GLYATL2: variants seen among roughly 807,000 people sequenced by gnomAD.
GLYATL2 encodes the protein glycine-N-acyltransferase like 2, also known as glycine N-acyltransferase-like protein 2.
Under a neutral mutation model 21.4 loss-of-function variants are expected in GLYATL2, and 25 were observed. The ratio of observed to expected loss-of-function variants is 1.17; its 90% confidence interval spans 0.85 to 1.63. The LOEUF is 1.63. Ranked by LOEUF, GLYATL2 falls within the 40% of genes most tolerant of loss-of-function variation. GLYATL2 has a pLI of 0.00. For synonymous variants in GLYATL2, 114 were observed against 118.2 expected, an observed-to-expected ratio of 0.96 and a Z score of 0.23; for missense variants, 361 against 343.3, an observed-to-expected ratio of 1.05 and a Z score of -0.41.
In GLYATL2 at chr11:58,856,997, TA is replaced by T. The variant is rs536244389; in HGVS notation, n.61-18630del. Among the ~76,000 whole-genome samples the T allele has an allele frequency of 1.1e-4, 17 of 152,310 alleles. No homozygotes were observed. In the East Asian group the frequency reaches 2.7e-3, roughly 24 times the overall value. On this transcript the variant is annotated intron_variant and non_coding_transcript_variant, in intron 1 of 4. Coordinates refer to the GLYATL2 transcript ENST00000533636. ...TACAATAAAGTGAAATGCAATAAAATAAGGTGTGCCTGTACTGATTTAATTT... is the reference window on the plus strand; with the variant it reads ...TACAATAAAGTGAAATGCAATAAAATAGGTGTGCCTGTACTGATTTAATTT...
rs1186068277 is a variant in GLYATL2, at chr11:58,844,438, A to C, written c.-45T>G. The C allele has an allele frequency of 2.0e-5, 3 of 152,230 alleles. No individual in the cohort carries two copies. The East Asian group carries it at 5.8e-4, about 29-fold the overall frequency. The allele number at this position is 152,230 out of a possible 1,614,324, so 9.4% of individuals were successfully genotyped here. ...GTTCTAAATAATTCTGCTTACCTGAAGTTTCTTTGTAGACCTGTAGGCACA... is the reference window on the plus strand; with the variant it reads ...GTTCTAAATAATTCTGCTTACCTGACGTTTCTTTGTAGACCTGTAGGCACA... On this transcript the variant is annotated 5_prime_UTR_variant, in exon 1 of 6. Transcript: ENST00000287275.
At chr11:58,843,342 G>A (rs1290237795) in intron 1 of GLYATL2, among the ~76,000 whole-genome samples, 1 of 152,184 alleles carries the variant, frequency 6.6e-6, no homozygotes, top group Non-Finnish European at 1.5e-5. Context: ...GGGTTTAAAT[G>A]GCTTTTGATG....
chr11:58,854,649 G>A (rs1377214345), intron 1 of GLYATL2, among the ~76,000 whole-genome samples: 1 of 151,302 alleles, frequency 6.6e-6, no homozygotes. Flanking sequence ...AAATAAGCTT[G>A]TTGCATTGAT....
chr11:58,848,877 T>C (rs927510788), upstream of GLYATL2, among the ~76,000 whole-genome samples: 4 of 152,152 alleles, frequency 2.6e-5, no homozygotes, highest in Admixed American at 6.5e-5. Flanking sequence ...CAAGCAGATT[T>C]AACCCAAAGA....
At chr11:58,869,281 T>C (rs591856) in intron 1 of GLYATL2, among the ~76,000 whole-genome samples, 134,763 of 152,172 alleles carry the variant, frequency 0.89, 60,882 homozygotes, top group Non-Finnish European at 0.98. Context: ...TAGTTTGGAA[T>C]CTGGAGTTTG....
At chr11:58,843,209 C>A (rs190039278) in intron 1 of GLYATL2, among the ~76,000 whole-genome samples, 1 of 152,270 alleles carries the variant, frequency 6.6e-6, no homozygotes, top group Non-Finnish European at 1.5e-5. Context: ...TTTTGAATGT[C>A]TGTTTCCTGG....
intron 1 of GLYATL2, among the ~76,000 whole-genome samples, chr11:58,856,344 T>A (rs1452586767): frequency 6.6e-6 from 1 of 152,176 alleles, no homozygotes; most frequent in Non-Finnish European, 1.5e-5. Flanking sequence ...AAAACTTGCT[T>A]CAAAACAGCA....
chr11:58,898,664 C>T (rs7111147), intron 1 of GLYATL2, among the ~76,000 whole-genome samples: 142,864 of 151,662 alleles, frequency 0.94, 67,899 homozygotes, highest in East Asian at 1. Context: ...GGAAACCCCG[C>T]CTCTACTAAA....
chr11:58,851,858 G>T (rs1853747287), intron 1 of GLYATL2, among the ~76,000 whole-genome samples: 1 of 152,178 alleles, frequency 6.6e-6, no homozygotes, highest in African/African-American at 2.4e-5. Flanking sequence ...CTGTTAGTGG[G>T]ATACACACAA....
At chr11:58,892,809 A>AGAT in intron 1 of GLYATL2, 3 of 322,320 alleles carry the variant, frequency 9.3e-6, no homozygotes, top group Non-Finnish European at 1.9e-5. Context: ...AGTAGGGATG[A>AGAT]GATAGGCCAC....
At chr11:58,847,531 C>T (rs184651062), upstream of GLYATL2, among the ~76,000 whole-genome samples, 209 of 152,212 alleles carry the variant, frequency 1.4e-3, no homozygotes, top group African/African-American at 4.6e-3. Flanking sequence ...AGCCCTTAGG[C>T]CTTAAGAGAA....
the GLYATL2 span, among the ~76,000 whole-genome samples, chr11:58,909,341 A>T: frequency 6.6e-6 from 1 of 152,144 alleles, no homozygotes; most frequent in Admixed American, 6.5e-5. Flanking sequence ...AGTTAACAAT[A>T]TTGTATACTT....
chr11:58,905,446 T>C (rs553095197), upstream of GLYATL2: 3 of 455,272 alleles, frequency 6.6e-6, no homozygotes, highest in Non-Finnish European at 1.3e-5. Context: ...AGGGCAGCAA[T>C]GGCCACACAC....
In GLYATL2 at chr11:58,879,574, A is replaced by G. The variant is rs114037132; in HGVS notation, n.60+24582T>C. On this transcript the variant is annotated intron_variant and non_coding_transcript_variant, in intron 1 of 4. Coordinates refer to the GLYATL2 transcript ENST00000533636. ...ATACAACATATGTGAAATAACCCAG[A>G]CCCAAAAGTATAAATATTATAGGAT... 5.1e-3 allele frequency among the ~76,000 whole-genome samples: 772 copies of G among 152,290 alleles called. 5 individuals carry two copies. The highest frequency in any genetic ancestry group is 0.018 in the African/African-American group (736 of 41,576).
At chr11:58,855,079 G>C (rs1853805354) in intron 1 of GLYATL2, among the ~76,000 whole-genome samples, 1 of 152,122 alleles carries the variant, frequency 6.6e-6, no homozygotes, top group Admixed American at 6.5e-5. Flanking sequence ...CCAAATTCCT[G>C]TTGATGTTGA....
chr11:58,851,879 C>T (rs1853747668), intron 1 of GLYATL2, among the ~76,000 whole-genome samples: 1 of 152,122 alleles, frequency 6.6e-6, no homozygotes, highest in African/African-American at 2.4e-5. Context: ...GGGATGATTG[C>T]CACCTGAGCT....
chr11:58,894,409 C>T (rs1007279776), intron 1 of GLYATL2, among the ~76,000 whole-genome samples: 29 of 136,956 alleles, frequency 2.1e-4, no homozygotes, highest in African/African-American at 7.2e-4. Context: ...CAAAATGTGG[C>T]TTCCTTTGGC....
chr11:58,884,548 T>G (rs957563469), intron 1 of GLYATL2, among the ~76,000 whole-genome samples: 1 of 152,214 alleles, frequency 6.6e-6, no homozygotes, highest in Non-Finnish European at 1.5e-5. Flanking sequence ...GAAAGAATAC[T>G]TCTCAGGCAT....
At position 58,850,490 on chromosome 11, in the gene GLYATL2, A is replaced by G. The variant is rs145108165; in HGVS notation, n.61-12122T>C. Among the ~76,000 whole-genome samples, 348 of 152,272 alleles carry G rather than the reference A, an allele frequency of 2.3e-3. 4 individuals carry two copies. Among genetic ancestry groups the G allele is most frequent in the African/African-American group, 7.0e-3 (292 of 41,550 alleles). On this transcript the variant is annotated intron_variant and non_coding_transcript_variant, in intron 1 of 4. Coordinates refer to the GLYATL2 transcript ENST00000533636. Reference sequence around the variant, plus strand: ...CAATTACTCTTTATTCCAATATTATAATAATCTTCACTCTACAATCATAAC... The same window carrying G: ...CAATTACTCTTTATTCCAATATTATGATAATCTTCACTCTACAATCATAAC...
Sources: allele counts gnomAD v4.1 joint callset (sites outside exome capture counted in the v4.1 genomes callset), GRCh38; gene constraint gnomAD v4.1.1; transcripts MANE v1.5; gene names NCBI Gene and HGNC (gene_info 2026-07-23, HGNC 2026-07-21).